Variants in CACNB4 observed in about 807,000 individuals in gnomAD.
CACNB4 encodes calcium voltage-gated channel auxiliary subunit beta 4, also known as voltage-dependent L-type calcium channel subunit beta-4.
A neutral mutation model predicts 71.2 loss-of-function variants in CACNB4; 32 were observed. The ratio of observed to expected loss-of-function variants is 0.45; its 90% CI spans 0.34 to 0.60. CACNB4 has a LOEUF of 0.60. CACNB4 is among the 20% of genes least tolerant of loss of function. The pLI is 0.01. For missense variants in CACNB4, 464 were observed against 647.9 expected (o/e 0.72, Z 3.08); for synonymous variants, 231 against 236.9 (o/e 0.97, Z 0.23).
chr2:151,870,092 T>C, intron 8 of CACNB4: 1 of 599,640 alleles, frequency 1.7e-6, no homozygotes, highest in East Asian at 2.7e-5. Flanking sequence ...TTTGGTGGCA[T>C]ATGCCATCAT....
chr2:151,924,322 C>T (rs1031109753), intron 2 of CACNB4, among the ~76,000 whole-genome samples: 5 of 151,490 alleles, frequency 3.3e-5, no homozygotes, highest in African/African-American at 1.2e-4. Flanking sequence ...TCGTGATCTG[C>T]CCGCCTCGCC....
intron 2 of CACNB4, among the ~76,000 whole-genome samples, chr2:152,016,795 C>A (rs1205248555): frequency 6.6e-6 from 1 of 152,210 alleles, no homozygotes; most frequent in Non-Finnish European, 1.5e-5. Context: ...TATGGTACAG[C>A]CACTATACAA....
chr2:151,868,926 A>T, intron 9 of CACNB4: 1 of 232,626 alleles, frequency 4.3e-6, no homozygotes, highest in African/African-American at 2.3e-5. Context: ...TTAATAACTG[A>T]GAAAATAAAG....
chr2:151,975,074 C>T (rs1235366972), intron 2 of CACNB4, among the ~76,000 whole-genome samples: 1 of 152,180 alleles, frequency 6.6e-6, no homozygotes. Context: ...GGTTTCTTCA[C>T]CCGCCAAAAT....
In CACNB4 at chr2:151,953,534, T is replaced by C. The variant is rs181483858; in HGVS notation, c.148-70164A>G. Among the ~76,000 whole-genome samples the C allele has an allele frequency of 6.6e-4, 100 of 152,338 alleles. 1 individual carries two copies. The highest frequency in any genetic ancestry group is 8.7e-4 in the Non-Finnish European group (59 of 68,030). ...GCCTAGAAAATGTGTGACAAAAATA[T>C]CTACATCATAAGGTCATTGTGAAAA... On this transcript the variant is annotated intron_variant, in intron 2 of 13. Coordinates refer to ENST00000539935, the MANE Select transcript of CACNB4 (RefSeq NM_000726.5).
At chr2:152,079,157 A>C (rs1293799706) in intron 2 of CACNB4, among the ~76,000 whole-genome samples, 1 of 151,860 alleles carries the variant, frequency 6.6e-6, no homozygotes, top group Non-Finnish European at 1.5e-5. Context: ...GGCTCGATCT[A>C]AGCTCACTGT....
chr2:151,848,723 A>G (rs1299170006), intron 12 of CACNB4, among the ~76,000 whole-genome samples: 1 of 152,218 alleles, frequency 6.6e-6, no homozygotes, highest in Non-Finnish European at 1.5e-5. Context: ...AACATTACAC[A>G]GCTCAAACAG....
intron 2 of CACNB4, among the ~76,000 whole-genome samples, chr2:152,090,417 G>C (rs1367644633): frequency 2.0e-5 from 3 of 152,198 alleles, no homozygotes; most frequent in Non-Finnish European, 2.9e-5. Context: ...ACTTTGGGAG[G>C]CCGAGGCGGG....
chr2:151,861,852 A>AAAAAAAAAAAAAAAAC (rs1559883027), intron 9 of CACNB4: 4 of 146,550 alleles, frequency 2.7e-5, no homozygotes, highest in African/African-American at 1.0e-4. Context: ...CAAAAAAAAA[A>AAAAAAAAAAAAAAAAC]AAAAAACTGA....
chr2:152,032,209 A>T lies in CACNB4; in HGVS notation c.147+66121T>A, dbSNP rs369859265. On this transcript the variant is annotated intron_variant, in intron 2 of 13. Coordinates refer to ENST00000539935, the MANE Select transcript of CACNB4 (RefSeq NM_000726.5). ...GAACCAGAGACTGTGGAGAGCTGGAAGGAATCCCCTTCCCCCCGTCCATTA... is the reference window on the plus strand; with the variant it reads ...GAACCAGAGACTGTGGAGAGCTGGATGGAATCCCCTTCCCCCCGTCCATTA... 1.2e-4 allele frequency among the ~76,000 whole-genome samples: 18 copies of T among 152,322 alleles called. No homozygotes were observed. In the East Asian group the frequency reaches 3.3e-3, roughly 28 times the overall value.
intron 2 of CACNB4, among the ~76,000 whole-genome samples, chr2:152,095,302 C>T (rs148997446): frequency 2.0e-5 from 3 of 152,210 alleles, no homozygotes; most frequent in African/African-American, 7.2e-5. Context: ...TGTGCATGCA[C>T]ACATATGTGC....
At chr2:152,094,790 T>C (rs1375765334) in intron 2 of CACNB4, among the ~76,000 whole-genome samples, 1 of 152,204 alleles carries the variant, frequency 6.6e-6, no homozygotes, top group Non-Finnish European at 1.5e-5. Context: ...AAGTGTTTCC[T>C]AAAACTTTAA....
intron 2 of CACNB4, among the ~76,000 whole-genome samples, chr2:151,917,629 G>C (rs556703640): frequency 6.6e-6 from 1 of 152,212 alleles, no homozygotes; most frequent in East Asian, 1.9e-4. Flanking sequence ...CTGAGGTCAG[G>C]AGTTCGAGAC....
intron 2 of CACNB4, among the ~76,000 whole-genome samples, chr2:152,039,057 A>G (rs1226340481): frequency 2.6e-5 from 4 of 152,238 alleles, no homozygotes; most frequent in Non-Finnish European, 5.9e-5. Context: ...GTTTAGCTGT[A>G]TAAGCAAACA....
At chr2:151,871,607 T>C (rs2099844657) in intron 6 of CACNB4, 1 of 152,444 alleles carries the variant, frequency 6.6e-6, no homozygotes, top group Non-Finnish European at 1.5e-5. Context: ...CAGTGTCCTG[T>C]AGATAAGAGG....
chr2:151,889,232 G>A (rs1033995697), intron 2 of CACNB4, among the ~76,000 whole-genome samples: 1 of 152,130 alleles, frequency 6.6e-6, no homozygotes, highest in African/African-American at 2.4e-5. Flanking sequence ...ATTTTGGGAG[G>A]CCGAGGCAGA....
chr2:151,981,170 A>G (rs2099874658), intron 2 of CACNB4, among the ~76,000 whole-genome samples: 1 of 152,224 alleles, frequency 6.6e-6, no homozygotes. Flanking sequence ...ATAATAGTGT[A>G]ATTCTTTCAT....
At chr2:151,858,221 C>T (rs1410902154) in intron 10 of CACNB4, 2 of 152,134 alleles carry the variant, frequency 1.3e-5, no homozygotes, top group African/African-American at 2.4e-5. Flanking sequence ...TGGAGGACCT[C>T]GATGAACACT....
chr2:151,904,412 A>C (rs2099854249), intron 2 of CACNB4, among the ~76,000 whole-genome samples: 3 of 152,086 alleles, frequency 2.0e-5, no homozygotes, highest in Admixed American at 1.3e-4. Flanking sequence ...CTATCATAAT[A>C]AATGCCATGT....
Sources: allele counts gnomAD v4.1 joint callset (sites outside exome capture counted in the v4.1 genomes callset), GRCh38; gene constraint gnomAD v4.1.1; transcripts MANE v1.5; gene names NCBI Gene and HGNC (gene_info 2026-07-23, HGNC 2026-07-21).